Variants in CALN1 observed in about 807,000 individuals in gnomAD.
The protein encoded by CALN1 is calcium-binding protein 8.
A neutral mutation model predicts 30.6 loss-of-function variants in CALN1; 17 were observed. The ratio of observed to expected loss-of-function variants is 0.56; its 90% CI spans 0.38 to 0.83. The LOEUF (loss-of-function observed/expected upper bound fraction) is 0.83. Ranked by LOEUF, CALN1 falls within the 40% of genes least tolerant of loss-of-function variation. CALN1 has a pLI of 0.00. For synonymous variants in CALN1, 156 were observed against 131.4 expected, an observed-to-expected ratio of 1.19 and a Z score of -1.28; for missense variants, 291 against 354.9, an observed-to-expected ratio of 0.82 and a Z score of 1.45.
At chr7:71,894,205 C>A (rs761000532) in intron 5 of CALN1, among the ~76,000 whole-genome samples, 1 of 152,070 alleles carries the variant, frequency 6.6e-6, no homozygotes, top group Non-Finnish European at 1.5e-5. Context: ...AATTCTGGAC[C>A]TATTATACTG....
intron 4 of CALN1, among the ~76,000 whole-genome samples, chr7:72,026,440 G>C (rs1801059960): frequency 1.3e-5 from 2 of 152,060 alleles, no homozygotes; most frequent in Non-Finnish European, 2.9e-5. Flanking sequence ...ACAATAATTA[G>C]CTGGGTCTGG....
chr7:71,889,752 C>T (rs1793127233), intron 5 of CALN1, among the ~76,000 whole-genome samples: 1 of 152,170 alleles, frequency 6.6e-6, no homozygotes, highest in Non-Finnish European at 1.5e-5. Context: ...GTCAGGAGTT[C>T]AAGACCAGCC....
chr7:71,957,113 C>T (rs1797001508), intron 5 of CALN1, among the ~76,000 whole-genome samples: 1 of 151,964 alleles, frequency 6.6e-6, no homozygotes. Context: ...TGAAATTAAT[C>T]ATCTTGTTTC....
At chr7:72,419,280 G>C (rs1807532432) in intron 1 of CALN1, among the ~76,000 whole-genome samples, 1 of 152,100 alleles carries the variant, frequency 6.6e-6, no homozygotes, top group Middle Eastern at 3.2e-3. Flanking sequence ...ACCCATTTTA[G>C]ACCATTTTCA....
At chr7:72,217,437 G>A (rs151177456) in intron 3 of CALN1, among the ~76,000 whole-genome samples, 11 of 152,204 alleles carry the variant, frequency 7.2e-5, no homozygotes, top group Middle Eastern at 3.4e-3. Context: ...CCAATAAAGC[G>A]CTCTCCCTGG....
intron 3 of CALN1, among the ~76,000 whole-genome samples, chr7:72,181,100 C>A (rs5012409): frequency 0.36 from 32,016 of 89,022 alleles, 5,036 homozygotes; most frequent in South Asian, 0.45. Flanking sequence ...TGCATAACCC[C>A]CCCCCCCCCC....
intron 2 of CALN1, among the ~76,000 whole-genome samples, chr7:72,371,063 A>G (rs1167615266): frequency 6.6e-6 from 1 of 151,864 alleles, no homozygotes; most frequent in Admixed American, 6.6e-5. Flanking sequence ...AAAAAAAAAA[A>G]AAAGAGAGGG....
At chr7:71,873,146 G>A (rs757737672) in intron 5 of CALN1, among the ~76,000 whole-genome samples, 4 of 151,436 alleles carry the variant, frequency 2.6e-5, no homozygotes, top group African/African-American at 4.9e-5. Flanking sequence ...TAGGATTACA[G>A]GCACCCACCA....
intron 5 of CALN1, among the ~76,000 whole-genome samples, chr7:71,953,761 GCAGAGGA>G (rs1372582090): frequency 6.6e-6 from 1 of 152,048 alleles, no homozygotes; most frequent in East Asian, 1.9e-4. Flanking sequence ...AGACTGACAA[GCAGAGGA>G]CCAGTTTCCA....
At chr7:72,118,878 G>T (rs915749528) in intron 3 of CALN1, among the ~76,000 whole-genome samples, 1 of 152,192 alleles carries the variant, frequency 6.6e-6, no homozygotes, top group Non-Finnish European at 1.5e-5. Context: ...ATCAACAGCT[G>T]CAAGTCCAGA....
chr7:72,029,151 G>C (rs1801278027), intron 4 of CALN1, among the ~76,000 whole-genome samples: 1 of 151,752 alleles, frequency 6.6e-6, no homozygotes, highest in East Asian at 1.9e-4. Flanking sequence ...TTTTGAGACA[G>C]AGTCTCACTC....
At chr7:72,483,280 C>CTTT in the CALN1 span, among the ~76,000 whole-genome samples, 26 of 100,080 alleles carry the variant, frequency 2.6e-4, no homozygotes, top group Non-Finnish European at 2.9e-4. Context: ...TTTTCTTTTT[C>CTTT]TTTTTTTTTT....
chr7:72,360,087 T>C (rs1039396217), intron 2 of CALN1, among the ~76,000 whole-genome samples: 4 of 149,010 alleles, frequency 2.7e-5, no homozygotes, highest in African/African-American at 5.0e-5. Context: ...GGCAGCGAAA[T>C]AGAATGTCCA....
At chr7:71,899,815 C>T (rs191368719) in intron 5 of CALN1, among the ~76,000 whole-genome samples, 42 of 152,056 alleles carry the variant, frequency 2.8e-4, no homozygotes, top group Non-Finnish European at 4.9e-4. Context: ...TATGTCCGTA[C>T]GTATATTAGG....
At chr7:72,256,043 T>C (rs1011381419) in intron 3 of CALN1, among the ~76,000 whole-genome samples, 2 of 152,206 alleles carry the variant, frequency 1.3e-5, no homozygotes, top group Non-Finnish European at 2.9e-5. Flanking sequence ...AAATATTCTT[T>C]AAGGAGAGAT....
chr7:72,206,938 C>T (rs754852447), intron 3 of CALN1, among the ~76,000 whole-genome samples: 3 of 152,108 alleles, frequency 2.0e-5, no homozygotes. Flanking sequence ...TTATAAGAAC[C>T]AAAGACTAGT....
chr7:72,230,342 TAA>T (rs3032182), intron 3 of CALN1, among the ~76,000 whole-genome samples: 4 of 124,844 alleles, frequency 3.2e-5, no homozygotes, highest in African/African-American at 9.1e-5. Context: ...CAATAGATAC[TAA>T]AAAAAAAAAA....
At chr7:71,927,702 G>A (rs1795339287) in intron 5 of CALN1, among the ~76,000 whole-genome samples, 2 of 152,140 alleles carry the variant, frequency 1.3e-5, no homozygotes, top group Admixed American at 6.5e-5. Flanking sequence ...TGCTGGTCTA[G>A]TAGTGGTGTA....
At chr7:72,147,369 T>G (rs1403197677) in intron 3 of CALN1, among the ~76,000 whole-genome samples, 13 of 151,900 alleles carry the variant, frequency 8.6e-5, no homozygotes, top group Admixed American at 8.5e-4. Flanking sequence ...AAAAAAATGC[T>G]CATCATCACT....
Sources: gnomAD v4.1 joint callset for allele counts (sites outside exome capture counted in the v4.1 genomes callset) on GRCh38, gnomAD v4.1.1 for gene constraint, MANE v1.5 for transcripts, NCBI Gene and HGNC (gene_info 2026-07-23, HGNC 2026-07-21) for gene names.